HAPLN1: variants seen among roughly 807,000 people sequenced by gnomAD.
The protein encoded by HAPLN1 is hyaluronan and proteoglycan link protein 1.
A neutral mutation model predicts 36.5 loss-of-function variants in HAPLN1; 13 were observed. The ratio of observed to expected loss-of-function variants is 0.36; its 90% confidence interval spans 0.23 to 0.57. The LOEUF (loss-of-function observed/expected upper bound fraction) is 0.57. HAPLN1 is among the 20% of genes least tolerant of loss of function. The pLI, the probability that HAPLN1 is intolerant of heterozygous loss-of-function variation, is 0.83. For synonymous variants in HAPLN1, 202 were observed against 169.8 expected (o/e 1.19, Z -1.48); for missense variants, 407 against 439.7 (o/e 0.93, Z 0.66).
intron 3 of HAPLN1, among the ~76,000 whole-genome samples, chr5:83,645,475 C>CTTTTTTTTTTTTTTTTTTTTTTTTTTTT: frequency 1.5e-4 from 11 of 74,332 alleles, no homozygotes; most frequent in East Asian, 6.7e-4. Flanking sequence ...CTTTTTCTTT[C>CTTTTTTTTTTTTTTTTTTTTTTTTTTTT]TTTTTTTTTT....
chr5:83,652,671 G>A lies in HAPLN1; in HGVS notation c.254C>T (p.Thr85Ile), dbSNP rs1230752826. 2 of 1,614,100 alleles carry A rather than the reference G, an allele frequency of 1.2e-6. No homozygotes were observed. Among genetic ancestry groups the A allele is most frequent in the South Asian group, 2.2e-5 (2 of 91,082 alleles). The change falls in exon 3 of 5, where the codon ACT becomes ATT. Residue 85 changes from threonine to isoleucine, a missense_variant. By Grantham distance (89) the Thr-to-Ile change is moderately conservative. Coordinates refer to ENST00000274341, the MANE Select transcript of HAPLN1 (RefSeq NM_001884.4). ...ATCCACTTCCTTGAGGTAATCCGAA[G>A]TTAGCTTGGTCCACTTAATTCGGAT... is the stretch of plus-strand genomic sequence containing the variant. ...HKIRIKWTKL[T>I]SDYLKEVDVF...
At chr5:83,650,822 G>C (rs901651941) in intron 3 of HAPLN1, among the ~76,000 whole-genome samples, 1 of 151,660 alleles carries the variant, frequency 6.6e-6, no homozygotes, top group African/African-American at 2.4e-5. Flanking sequence ...TTTTAGTAGA[G>C]ACGGGGTTTC....
intron 3 of HAPLN1, among the ~76,000 whole-genome samples, chr5:83,648,518 A>G (rs2112560916): frequency 6.7e-6 from 1 of 149,294 alleles, no homozygotes; most frequent in African/African-American, 2.5e-5. Context: ...AAAAGCTTGT[A>G]ATACAAATAG....
Position 83,673,405 on chromosome 5 carries a change from A to C in HAPLN1, c.100+19T>G. The stretch of plus-strand genomic sequence containing the variant: ...TTAAAATTAATTAGGCTTTGATAAG[A>C]GAAGCTGTGTTTCCTTACCTTGGAT... On this transcript the variant is annotated intron_variant, in intron 2 of 4. Transcript: ENST00000274341. 1 of 1,502,168 alleles carries C rather than the reference A, an allele frequency of 6.7e-7. No homozygotes were observed. The allele number at this position is 1,502,168 out of a possible 1,614,324, so 93.1% of individuals were successfully genotyped here.
intron 1 of HAPLN1, among the ~76,000 whole-genome samples, chr5:83,700,852 A>G (rs1026680595): frequency 2.2e-4 from 34 of 152,180 alleles, no homozygotes; most frequent in African/African-American, 8.2e-4. Context: ...ACAGTAAAAG[A>G]GTGCAGATGA....
chr5:83,668,130 T>C (rs1750606121), intron 2 of HAPLN1, among the ~76,000 whole-genome samples: 1 of 152,134 alleles, frequency 6.6e-6, no homozygotes, highest in South Asian at 2.1e-4. Flanking sequence ...AGTTGTTGGG[T>C]TTATGTGACT....
intron 1 of HAPLN1, among the ~76,000 whole-genome samples, chr5:83,700,789 C>T (rs1438436086): frequency 6.6e-6 from 1 of 152,036 alleles, no homozygotes; most frequent in Non-Finnish European, 1.5e-5. Context: ...TCCTCTCATT[C>T]TGCTCTCTGA....
intron 2 of HAPLN1, among the ~76,000 whole-genome samples, chr5:83,671,418 T>A (rs1750715705): frequency 6.6e-6 from 1 of 152,210 alleles, no homozygotes; most frequent in Non-Finnish European, 1.5e-5. Flanking sequence ...TGTGAGGATT[T>A]CAGCTCCCTA....
intron 1 of HAPLN1, among the ~76,000 whole-genome samples, chr5:83,695,881 T>A (rs1751380946): frequency 6.6e-6 from 1 of 151,936 alleles, no homozygotes; most frequent in Admixed American, 6.6e-5. Flanking sequence ...CATTTACGTT[T>A]TTACCATTTA....
chr5:83,703,339 G>A (rs1202059256), intron 1 of HAPLN1: 1 of 152,072 alleles, frequency 6.6e-6, no homozygotes, highest in African/African-American at 2.4e-5. Flanking sequence ...CATGTACTGA[G>A]TTTTAATTTT....
At position 83,638,494 on chromosome 5, in the gene HAPLN1, A is replaced by T. The variant is rs1253547901; in HGVS notation, c.*3002T>A. The T allele has an allele frequency of 6.6e-6, 1 of 152,060 alleles. No individual in the cohort carries two copies. Among genetic ancestry groups the T allele is most frequent in the African/African-American group, 2.4e-5 (1 of 41,436 alleles). The allele number at this position is 152,060 out of a possible 1,614,324, so 9.4% of individuals were successfully genotyped here. On this transcript the variant is annotated 3_prime_UTR_variant, in exon 5 of 5. Coordinates refer to ENST00000274341, the MANE Select transcript of HAPLN1 (RefSeq NM_001884.4). ...ATATTTCTTAATGCATCCTATGCTAAAAACTGATAAGTGATTCCCTTTTAA... is the reference window on the plus strand; with the variant it reads ...ATATTTCTTAATGCATCCTATGCTATAAACTGATAAGTGATTCCCTTTTAA...
intron 2 of HAPLN1, among the ~76,000 whole-genome samples, chr5:83,671,530 G>A (rs1420642018): frequency 6.6e-6 from 1 of 152,144 alleles, no homozygotes; most frequent in African/African-American, 2.4e-5. Context: ...CTGCTTTGTT[G>A]ATTCTTGTGC....
chr5:83,689,572 G>T (rs1372842148), intron 1 of HAPLN1, among the ~76,000 whole-genome samples: 1 of 152,144 alleles, frequency 6.6e-6, no homozygotes, highest in Non-Finnish European at 1.5e-5. Context: ...ATTTTGCCTG[G>T]GGCAGGCTGC....
intron 1 of HAPLN1, among the ~76,000 whole-genome samples, chr5:83,703,026 T>C (rs1476376799): frequency 6.6e-6 from 1 of 152,210 alleles, no homozygotes; most frequent in Non-Finnish European, 1.5e-5. Flanking sequence ...GCAATTTTCT[T>C]ATGCCATGCC....
At chr5:83,671,543 C>A (rs1188936836) in intron 2 of HAPLN1, among the ~76,000 whole-genome samples, 4 of 152,030 alleles carry the variant, frequency 2.6e-5, no homozygotes, top group African/African-American at 9.7e-5. Flanking sequence ...TCTTGTGCTA[C>A]CTGATTTATT....
intron 1 of HAPLN1, among the ~76,000 whole-genome samples, chr5:83,718,518 CCAG>C (rs1463219288): frequency 6.6e-6 from 1 of 152,178 alleles, no homozygotes; most frequent in Non-Finnish European, 1.5e-5. Context: ...AATTGTTTAA[CCAG>C]CTGTTTCCTC....
At chr5:83,659,314 T>C (rs1176763652) in intron 2 of HAPLN1, among the ~76,000 whole-genome samples, 1 of 152,128 alleles carries the variant, frequency 6.6e-6, no homozygotes, top group African/African-American at 2.4e-5. Flanking sequence ...GGCACATCTT[T>C]GCTTTCACCT....
intron 1 of HAPLN1, among the ~76,000 whole-genome samples, chr5:83,710,961 A>G (rs970230243): frequency 1.3e-5 from 2 of 152,186 alleles, no homozygotes; most frequent in African/African-American, 4.8e-5. Context: ...AAAAAAGAAA[A>G]AAAAAGAAAA....
chr5:83,710,875 C>T (rs1751765401), intron 1 of HAPLN1, among the ~76,000 whole-genome samples: 1 of 151,894 alleles, frequency 6.6e-6, no homozygotes, highest in African/African-American at 2.4e-5. Flanking sequence ...TGCTCGAGCC[C>T]ACGAGGCAGA....
Sources: allele counts gnomAD v4.1 joint callset (sites outside exome capture counted in the v4.1 genomes callset), GRCh38; gene constraint gnomAD v4.1.1; transcripts MANE v1.5; gene names NCBI Gene and HGNC (gene_info 2026-07-23, HGNC 2026-07-21).